Variants in COL23A1 observed in about 807,000 individuals in gnomAD.
COL23A1 encodes collagen type XXIII alpha 1 chain, also known as collagen alpha-1(XXIII) chain.
Under a neutral mutation model 99.3 loss-of-function variants are expected in COL23A1, and 97 were observed. The ratio of observed to expected loss-of-function variants is 0.98; its 90% CI spans 0.83 to 1.16. The LOEUF is 1.16. COL23A1 is among the 50% of genes most tolerant of loss of function. The pLI is 0.00. For synonymous variants in COL23A1, 320 were observed against 308.2 expected (o/e 1.04, Z -0.40); for missense variants, 762 against 757.4 (o/e 1.01, Z -0.07).
chr5:178,349,377 C>T (rs112735849), intron 2 of COL23A1, among the ~76,000 whole-genome samples: 3,436 of 152,286 alleles, frequency 0.023, 54 homozygotes, highest in Non-Finnish European at 0.036. Context: ...AGGAGAATCA[C>T]ACCGGTGTTG....
chr5:178,422,890 T>A (rs565825421), intron 2 of COL23A1, among the ~76,000 whole-genome samples: 17 of 152,342 alleles, frequency 1.1e-4, no homozygotes, highest in African/African-American at 4.1e-4. Context: ...ATGTGACTTA[T>A]AATTTTCTGA....
chr5:178,347,331 G>A (rs1761029472), intron 2 of COL23A1, among the ~76,000 whole-genome samples: 2 of 151,964 alleles, frequency 1.3e-5, no homozygotes, highest in South Asian at 4.2e-4. Context: ...GCCACACTGT[G>A]TATGGTTCCA....
chr5:178,519,503 G>A (rs1437271790), intron 2 of COL23A1, among the ~76,000 whole-genome samples: 4 of 152,218 alleles, frequency 2.6e-5, no homozygotes, highest in African/African-American at 9.7e-5. Flanking sequence ...GGGACTGCCA[G>A]GTGGAAAACT....
chr5:178,482,706 A>C (rs1757403555), intron 2 of COL23A1, among the ~76,000 whole-genome samples: 1 of 151,748 alleles, frequency 6.6e-6, no homozygotes, highest in Non-Finnish European at 1.5e-5. Context: ...ATCCTGGCTA[A>C]CATGGTGAAA....
At chr5:178,441,959 C>T (rs929529077) in intron 2 of COL23A1, among the ~76,000 whole-genome samples, 3 of 152,148 alleles carry the variant, frequency 2.0e-5, no homozygotes, top group Non-Finnish European at 4.4e-5. Flanking sequence ...GCAGAGGGTC[C>T]AGTGGCTCAT....
intron 17 of COL23A1, among the ~76,000 whole-genome samples, chr5:178,250,801 G>A (rs1581450611): frequency 6.6e-6 from 1 of 152,034 alleles, no homozygotes; most frequent in Non-Finnish European, 1.5e-5. Context: ...GGCTAACATG[G>A]TGAAACCCCC....
chr5:178,525,059 G>A (rs180746870), intron 2 of COL23A1, among the ~76,000 whole-genome samples: 4 of 150,704 alleles, frequency 2.7e-5, no homozygotes, highest in Admixed American at 6.6e-5. Context: ...GCGACACAGC[G>A]CGCAGACCCC....
chr5:178,529,019 T>C (rs1475533984), intron 2 of COL23A1, among the ~76,000 whole-genome samples: 2 of 152,220 alleles, frequency 1.3e-5, no homozygotes, highest in African/African-American at 4.8e-5. Flanking sequence ...TTTCTCAGGA[T>C]TCTATGGCCT....
chr5:178,238,739 C>CT (rs1290705366), intron 28 of COL23A1, 39 bp from the exon 29 acceptor site: 1 of 1,612,046 alleles, frequency 6.2e-7, no homozygotes, highest in Non-Finnish European at 8.5e-7. Context: ...ACGAGGAGCC[C>CT]GAGAAGCTCC....
chr5:178,289,928 T>C (rs1479289368), intron 4 of COL23A1, among the ~76,000 whole-genome samples: 1 of 151,940 alleles, frequency 6.6e-6, no homozygotes, highest in African/African-American at 2.4e-5. Flanking sequence ...AACACATGAG[T>C]TTTTGTTTTT....
intron 5 of COL23A1, among the ~76,000 whole-genome samples, chr5:178,283,669 G>A (rs558985974): frequency 2.6e-5 from 4 of 152,280 alleles, no homozygotes; most frequent in African/African-American, 9.6e-5. Flanking sequence ...AACTACCAAA[G>A]AAGAGGAAAA....
chr5:178,499,871 T>C (rs539759588), intron 2 of COL23A1, among the ~76,000 whole-genome samples: 4 of 152,246 alleles, frequency 2.6e-5, no homozygotes, highest in African/African-American at 9.6e-5. Flanking sequence ...TACTTGACAA[T>C]AAAAAAGAAC....
intron 2 of COL23A1, among the ~76,000 whole-genome samples, chr5:178,484,628 C>A (rs988839192): frequency 6.6e-6 from 1 of 151,912 alleles, no homozygotes; most frequent in Admixed American, 6.6e-5. Flanking sequence ...TTGAGACCAT[C>A]CTGGCTAACA....
Position 178,521,075 on chromosome 5 carries a change from C to T in COL23A1, c.361+39607G>A, listed in dbSNP as rs550254071. On this transcript the variant is annotated intron_variant, in intron 2 of 28. Transcript: ENST00000390654. Reference sequence around the variant, plus strand: ...CCCCCAGGCTACAAAACCAGCACAGCTTGTCACTGTCCTGAATACCATAGA... The same window carrying T: ...CCCCCAGGCTACAAAACCAGCACAGTTTGTCACTGTCCTGAATACCATAGA... Among the ~76,000 whole-genome samples, 77 of 152,314 alleles carry T rather than the reference C, an allele frequency of 5.1e-4. 1 individual carries two copies. Among genetic ancestry groups the T allele is most frequent in the Middle Eastern group, 6.8e-3 (2 of 294 alleles).
Position 178,247,556 on chromosome 5 carries a change from C to G in COL23A1, c.1270-4G>C, listed in dbSNP as rs778502683. 6.2e-7 allele frequency: 1 copy of G among 1,614,000 alleles called. No individual in the cohort carries two copies. Among genetic ancestry groups the G allele is most frequent in the South Asian group, 1.1e-5 (1 of 91,082 alleles). On this transcript the variant is annotated splice_polypyrimidine_tract_variant and splice_region_variant and intron_variant, in intron 21 of 28. Coordinates refer to ENST00000390654, the MANE Select transcript of COL23A1 (RefSeq NM_173465.4). ...GACCCTGGATTCCCTGGAGGCCCTG[C>G]AGGAGGAGGAAGCAGATAAGAAGGC...
intron 2 of COL23A1, among the ~76,000 whole-genome samples, chr5:178,442,165 A>T (rs911306341): frequency 4.7e-5 from 7 of 148,074 alleles, no homozygotes; most frequent in Non-Finnish European, 1.0e-4. Context: ...CCAGATGATT[A>T]AAAAAAAAAC....
chr5:178,400,894 T>A (rs1764412424), intron 2 of COL23A1, among the ~76,000 whole-genome samples: 1 of 152,226 alleles, frequency 6.6e-6, no homozygotes, highest in Admixed American at 6.5e-5. Context: ...GGCCTCGGCC[T>A]CCCAAAGTGC....
chr5:178,556,562 G>C (rs1202568913), intron 2 of COL23A1, among the ~76,000 whole-genome samples: 1 of 151,730 alleles, frequency 6.6e-6, no homozygotes, highest in African/African-American at 2.4e-5. Flanking sequence ...GGTGGAGGTT[G>C]CAGTGAGCCA....
chr5:178,249,979 G>A lies in COL23A1; in HGVS notation c.1059+82C>T, dbSNP rs970729856. 2.6e-5 allele frequency: 37 copies of A among 1,426,718 alleles called. No homozygotes were observed. The East Asian group carries it at 8.6e-4, about 33-fold the overall frequency. 88.4% of individuals were successfully genotyped at this position (1,426,718 alleles called of 1,614,324 possible). A position where few individuals can be genotyped will look rare whatever the true frequency, so the allele number is the denominator to read the frequency against. On this transcript the variant is annotated intron_variant, in intron 18 of 28. Transcript: ENST00000390654. ...TGTTTCTCTAACTCTGTGCACACATGCACACGCACACACACACACACACAC... is the reference window on the plus strand; with the variant it reads ...TGTTTCTCTAACTCTGTGCACACATACACACGCACACACACACACACACAC...
Sources: allele counts gnomAD v4.1 joint callset (sites outside exome capture counted in the v4.1 genomes callset), GRCh38; gene constraint gnomAD v4.1.1; transcripts MANE v1.5; gene names NCBI Gene and HGNC (gene_info 2026-07-23, HGNC 2026-07-21).